Variants in PPM1F observed in about 807,000 individuals in gnomAD.
PPM1F encodes the protein protein phosphatase 1F.
In PPM1F, 17 loss-of-function variants were observed where a neutral mutation model predicts 35.5. The ratio of observed to expected loss-of-function variants is 0.48; its 90% CI spans 0.33 to 0.72. The LOEUF is 0.72. Among genes scored for constraint, PPM1F ranks in the 30% least tolerant of loss-of-function variants. The pLI is 0.02. For synonymous variants in PPM1F, 241 were observed against 255.5 expected, an observed-to-expected ratio of 0.94 and a Z score of 0.54; for missense variants, 521 against 613.0, an observed-to-expected ratio of 0.85 and a Z score of 1.59.
At chr22:21,931,545 C>T (rs149853804) in intron 5 of PPM1F, among the ~76,000 whole-genome samples, 15 of 152,172 alleles carry the variant, frequency 9.9e-5, no homozygotes, top group African/African-American at 3.4e-4. Flanking sequence ...CAGAGTCTTG[C>T]TCTGTCATTC....
At position 21,933,552 on chromosome 22, in the gene PPM1F, C is replaced by T. The variant is rs2070619780; in HGVS notation, c.586G>A (p.Val196Met). Residue 196 changes from valine to methionine, a missense_variant, in exon 5 of 8, where the codon GTG (valine) becomes ATG (methionine). This residue lies in a region of PPM1F where 311 missense variants were observed against 351.5 expected (regional missense o/e 0.88). Coordinates refer to ENST00000263212, the MANE Select transcript of PPM1F (RefSeq NM_014634.4). Reference protein sequence around the residue: ...SDPVNRAYFAVFDGHGGVDAA... With the variant: ...SDPVNRAYFAMFDGHGGVDAA... ...TCCACGCCTCCGTGACCATCAAACA[C>T]AGCAAAGTAGGCGCGGTTCACAGGG... 1 of 1,613,108 alleles carries T rather than the reference C, an allele frequency of 6.2e-7. No individual in the cohort carries two copies. Among genetic ancestry groups the T allele is most frequent in the Non-Finnish European group, 8.5e-7 (1 of 1,179,446 alleles).
At chr22:21,949,667 A>AT (rs2070815182) in intron 1 of PPM1F, 1 of 152,292 alleles carries the variant, frequency 6.6e-6, no homozygotes, top group Non-Finnish European at 1.5e-5. Flanking sequence ...AAAACTCCGA[A>AT]TAAGAGGGAC....
rs1208584678 is a variant in PPM1F, at chr22:21,939,426, G to A, written c.355+106C>T. 2 of 1,439,004 alleles carry A rather than the reference G, an allele frequency of 1.4e-6. No homozygotes were observed. Among genetic ancestry groups the A allele is most frequent in the Non-Finnish European group, 1.9e-6 (2 of 1,060,120 alleles). The allele number at this position is 1,439,004 out of a possible 1,614,324, so 89.1% of individuals were successfully genotyped here. ...GATTCTGCTGCCGTTGTGAGCGAGGGCCCCAGCACCCTTAGGGACCCCAAT... is the reference window on the plus strand; with the variant it reads ...GATTCTGCTGCCGTTGTGAGCGAGGACCCCAGCACCCTTAGGGACCCCAAT... On this transcript the variant is annotated intron_variant, in intron 3 of 7. Transcript: ENST00000263212. This position sits in a 1 kb window ranked among gnomAD's most constrained non-coding sequence, Gnocchi z 5.1.
rs1299552089 is a variant in PPM1F at position 21,922,216 on chromosome 22, C to A, written c.*876G>T. 6.6e-6 allele frequency: 1 copy of A among 152,400 alleles called. No homozygotes were observed. The highest frequency in any genetic ancestry group is 1.5e-5 in the Non-Finnish European group (1 of 67,998). The allele number at this position is 152,400 out of a possible 1,614,324, so 9.4% of individuals were successfully genotyped here. A position where few individuals can be genotyped will look rare whatever the true frequency, so the allele number is the denominator to read the frequency against. On this transcript the variant is annotated 3_prime_UTR_variant, in exon 8 of 8. Coordinates refer to ENST00000263212, the MANE Select transcript of PPM1F (RefSeq NM_014634.4). ...TCAATCCTGATTTAGAAAATAAATT[C>A]AATAATACTGCAAAAAAAGGTTCCT...
At chr22:21,949,582 A>T (rs2070814256) in intron 1 of PPM1F, 1 of 152,620 alleles carries the variant, frequency 6.6e-6, no homozygotes, top group East Asian at 1.9e-4. Flanking sequence ...AGCCGCAGGG[A>T]GTAGGGAGAG....
In PPM1F at chr22:21,920,405, G is replaced by C. The variant is rs1395394578; in HGVS notation, c.*2687C>G. ...TTTACAGACCAGTGTCCCTGGCTAG[G>C]GGCCCTCATGGGACTGTGGCTGGAA... is the stretch of plus-strand genomic sequence containing the variant. On this transcript the variant is annotated 3_prime_UTR_variant, in exon 8 of 8. Coordinates refer to ENST00000263212, the MANE Select transcript of PPM1F (RefSeq NM_014634.4). 6.5e-6 allele frequency: 1 copy of C among 152,676 alleles called. No individual in the cohort carries two copies. Among genetic ancestry groups the C allele is most frequent in the Non-Finnish European group, 1.5e-5 (1 of 68,128 alleles). 9.5% of individuals were successfully genotyped at this position (152,676 alleles called of 1,614,324 possible). A position where few individuals can be genotyped will look rare whatever the true frequency, so the allele number is the denominator to read the frequency against.
Position 21,934,234 on chromosome 22 carries a change from G to A in PPM1F, c.356-8C>T, listed in dbSNP as rs779946409. The stretch of plus-strand genomic sequence containing the variant: ...GGCTTTGGGCATCCAGCACTGATGG[G>A]CACAATGGAGGGATTGTCAGGGAAG... On this transcript the variant is annotated splice_polypyrimidine_tract_variant and splice_region_variant and intron_variant, in intron 3 of 7. Coordinates refer to ENST00000263212, the MANE Select transcript of PPM1F (RefSeq NM_014634.4). The A allele has an allele frequency of 2.6e-6, 4 of 1,554,822 alleles. No individual in the cohort carries two copies. In the East Asian group the frequency reaches 9.5e-5, roughly 37 times the overall value.
chr22:21,943,415 G>A (rs953014903), intron 2 of PPM1F: 1 of 152,218 alleles, frequency 6.6e-6, no homozygotes, highest in African/African-American at 2.4e-5. Context: ...AAGATGGCTG[G>A]AACATATAAC....
At chr22:21,937,501 T>C (rs2070672799) in intron 3 of PPM1F, among the ~76,000 whole-genome samples, 1 of 152,122 alleles carries the variant, frequency 6.6e-6, no homozygotes, top group African/African-American at 2.4e-5. Context: ...TCCACACAAG[T>C]TTGGCCAGTG....
At position 21,939,465 on chromosome 22, in the gene PPM1F, A is replaced by G; in HGVS notation, c.355+67T>C. The G allele has an allele frequency of 1.9e-6, 3 of 1,589,184 alleles. No individual in the cohort carries two copies. The highest frequency in any genetic ancestry group is 2.3e-5 in the South Asian group (2 of 87,142). Reference sequence around the variant, plus strand: ...AGGGACCCCAATCAATGGGCTTCCCACAATGTCGTCACCCTTTGTTGCCTG... The same window carrying G: ...AGGGACCCCAATCAATGGGCTTCCCGCAATGTCGTCACCCTTTGTTGCCTG... On this transcript the variant is annotated intron_variant, in intron 3 of 7. Transcript: ENST00000263212. The surrounding 1 kb of genome is among the most constrained non-coding windows in gnomAD (Gnocchi z 5.1).
At chr22:21,931,119 C>T (rs2070583715) in intron 6 of PPM1F, 29 bp downstream of exon 6, 1 of 1,612,732 alleles carries the variant, frequency 6.2e-7, no homozygotes, top group East Asian at 2.2e-5. Flanking sequence ...CCAGGAATAT[C>T]CTGGGCCTGG....
chr22:21,943,147 G>A (rs1259930942), intron 2 of PPM1F: 1 of 152,168 alleles, frequency 6.6e-6, no homozygotes, highest in Non-Finnish European at 1.5e-5. Context: ...CTGTGAAAGA[G>A]CTCAGGGACC....
chr22:21,945,721 G>A (rs2070769547), intron 2 of PPM1F, 122 bp downstream of exon 2: 1 of 998,158 alleles, frequency 1.0e-6, no homozygotes, highest in African/African-American at 1.6e-5. Context: ...GTGCTGCATA[G>A]GGATCCGGGG....
rs1051461659 is a variant in PPM1F at position 21,919,550 on chromosome 22, C to T, written c.*3542G>A. The stretch of plus-strand genomic sequence containing the variant: ...ATCCTGTCCTGGAGCAAAGCTCCCC[C>T]TTGCACAGGAACACAACTCCCATGC... On this transcript the variant is annotated 3_prime_UTR_variant, in exon 8 of 8. Transcript: ENST00000263212. 6.5e-6 allele frequency: 1 copy of T among 152,676 alleles called. No individual in the cohort carries two copies. Among genetic ancestry groups the T allele is most frequent in the Non-Finnish European group, 1.5e-5 (1 of 68,060 alleles). 9.5% of individuals were successfully genotyped at this position (152,676 alleles called of 1,614,324 possible). A position where few individuals can be genotyped will look rare whatever the true frequency, so the allele number is the denominator to read the frequency against.
intron 7 of PPM1F, chr22:21,925,234 C>T (rs184961865): frequency 1.9e-4 from 76 of 402,684 alleles, no homozygotes; most frequent in African/African-American, 1.4e-3. Flanking sequence ...GGATTGTCAG[C>T]ATGAACGCGG....
intron 1 of PPM1F, 163 bp from the exon 2 acceptor site, chr22:21,946,271 G>C (rs963883795): frequency 1.7e-5 from 7 of 412,252 alleles, no homozygotes; most frequent in African/African-American, 1.2e-4. Flanking sequence ...GTCCAGGTGG[G>C]GACTTGTGGG....
At chr22:21,937,521 C>T (rs1442281485) in intron 3 of PPM1F, among the ~76,000 whole-genome samples, 1 of 152,180 alleles carries the variant, frequency 6.6e-6, no homozygotes, top group African/African-American at 2.4e-5. Context: ...GGATCCCCTG[C>T]AAACCAGCAG....
In PPM1F at chr22:21,921,364, C is replaced by G. The variant is rs2070445960; in HGVS notation, c.*1728G>C. The stretch of plus-strand genomic sequence containing the variant: ...CTCCCCCTGCACTGCTCTGACCTGC[C>G]TGGAGCAGCCCTGCCCACCTCCAGC... On this transcript the variant is annotated 3_prime_UTR_variant, in exon 8 of 8. Transcript: ENST00000263212. The G allele has an allele frequency of 6.5e-6, 1 of 153,200 alleles. No individual in the cohort carries two copies. The allele number at this position is 153,200 out of a possible 1,614,324, so 9.5% of individuals were successfully genotyped here. A position where few individuals can be genotyped will look rare whatever the true frequency, so the allele number is the denominator to read the frequency against.
At chr22:21,923,498 C>G (rs760244543) in intron 7 of PPM1F, 27 bp from the exon 8 acceptor site, 1 of 1,571,538 alleles carries the variant, frequency 6.4e-7, no homozygotes, top group African/African-American at 1.3e-5. Context: ...GAGCCCGGGT[C>G]AGAGGACCAC....
Sources: allele counts gnomAD v4.1 joint callset (sites outside exome capture counted in the v4.1 genomes callset), GRCh38; gene constraint gnomAD v4.1.1; regional missense constraint gnomAD v4.1.1; non-coding constraint Gnocchi (gnomAD v3.1); transcripts MANE v1.5; gene names NCBI Gene and HGNC (gene_info 2026-07-23, HGNC 2026-07-21).